Variants in IL12RB1 observed in about 807,000 individuals in gnomAD.
IL12RB1 encodes interleukin 12 receptor subunit beta 1, also known as interleukin-12 receptor subunit beta-1.
A neutral mutation model predicts 94.4 loss-of-function variants in IL12RB1; 64 were observed. That is an observed-to-expected ratio of 0.68 (90% CI 0.55 to 0.83). The LOEUF (loss-of-function observed/expected upper bound fraction) is 0.83, where lower values mean the gene tolerates loss of function less well. Among genes scored for constraint, IL12RB1 ranks in the 40% least tolerant of loss-of-function variants. The pLI, the probability that IL12RB1 is intolerant of heterozygous loss-of-function variation, is 0.00. For synonymous variants in IL12RB1, 362 were observed against 355.5 expected (o/e 1.02, Z -0.21); for missense variants, 814 against 855.6 (o/e 0.95, Z 0.61).
chr19:18,060,503 G>A (rs1424744717), intron 15 of IL12RB1, among the ~76,000 whole-genome samples: 2 of 152,064 alleles, frequency 1.3e-5, no homozygotes, highest in Non-Finnish European at 2.9e-5. Context: ...TGAGGATGGA[G>A]TCTGCCGCAC....
intron 1 of IL12RB1, among the ~76,000 whole-genome samples, chr19:18,086,295 A>G (rs1434347993): frequency 1.3e-5 from 2 of 152,010 alleles, no homozygotes; most frequent in African/African-American, 4.8e-5. Context: ...AAGGATGTGC[A>G]TAGGTTATAT....
chr19:18,072,237 C>G lies in IL12RB1; in HGVS notation c.896G>C (p.Arg299Thr). The change falls in exon 9 of 17, where the codon AGG (arginine) becomes ACG (threonine). Residue 299 changes from arginine to threonine, a missense_variant. Arg to Thr is a moderately conservative substitution (Grantham distance 71). Transcript: ENST00000593993. ...GGGCATCTTCCCCAGGTGCAGGGTCCTGGTGGCCTTGGCCTTACACGGGCA... is the reference window on the plus strand; with the variant it reads ...GGGCATCTTCCCCAGGTGCAGGGTCGTGGTGGCCTTGGCCTTACACGGGCA... ...LSCPCKAKAT[R>T]TLHLGKMPYL... The G allele has an allele frequency of 1.2e-6, 2 of 1,614,152 alleles. No individual in the cohort carries two copies. The highest frequency in any genetic ancestry group is 1.1e-5 in the South Asian group (1 of 91,080).
At chr19:18,092,774 G>C (rs1438883310) in intron 1 of IL12RB1, among the ~76,000 whole-genome samples, 1 of 141,806 alleles carries the variant, frequency 7.1e-6, no homozygotes, top group African/African-American at 2.7e-5. Flanking sequence ...AAAGTGCTGG[G>C]ATTACAGGCA....
exon 1 of IL12RB1, chr19:18,086,933 CTGAAAAAAAAGAAAAA>C: frequency 6.5e-7 from 1 of 1,549,630 alleles, no homozygotes; most frequent in Non-Finnish European, 8.7e-7. Flanking sequence ...GGAGAAAAGA[CTGAAAAAAAAGAAAAA>C]AGAAAAAAAG....
chr19:18,061,231 AG>A (rs760884881), intron 14 of IL12RB1, 34 bp from the exon 15 acceptor site: 1 of 937,926 alleles, frequency 1.1e-6, no homozygotes, highest in Non-Finnish European at 1.6e-6. Context: ...AGAGGAGCTG[AG>A]GTTTTTTTTT....
At chr19:18,087,491 TGA>T (rs2146516455), upstream of IL12RB1, among the ~76,000 whole-genome samples, 1 of 152,006 alleles carries the variant, frequency 6.6e-6, no homozygotes, top group Non-Finnish European at 1.5e-5. Context: ...ATGACAGGCG[TGA>T]GCTACCGTGC....
At chr19:18,096,850 G>C (rs1362973444) in intron 1 of IL12RB1, among the ~76,000 whole-genome samples, 1 of 130,692 alleles carries the variant, frequency 7.7e-6, no homozygotes, top group Non-Finnish European at 1.7e-5. Flanking sequence ...AAAAAAAAAA[G>C]TTTTGGTGTT....
intron 12 of IL12RB1, among the ~76,000 whole-genome samples, chr19:18,064,991 G>T (rs901056221): frequency 6.6e-6 from 1 of 152,204 alleles, no homozygotes; most frequent in African/African-American, 2.4e-5. Flanking sequence ...CAACCCGGAA[G>T]TTACTACCTT....
chr19:18,091,685 AT>A (rs1229471554), upstream of IL12RB1: 1 of 152,068 alleles, frequency 6.6e-6, no homozygotes, highest in Non-Finnish European at 1.5e-5. Flanking sequence ...CTGAGGGATC[AT>A]TTGAGGATGT....
chr19:18,096,030 C>T (rs369272768), intron 1 of IL12RB1, among the ~76,000 whole-genome samples: 1 of 151,986 alleles, frequency 6.6e-6, no homozygotes, highest in African/African-American at 2.4e-5. Context: ...TCGAGACCAG[C>T]GCGGGAAACA....
chr19:18,093,357 T>TGC (rs2036728178), intron 1 of IL12RB1, among the ~76,000 whole-genome samples: 1 of 135,390 alleles, frequency 7.4e-6, no homozygotes, highest in African/African-American at 2.9e-5. Flanking sequence ...TACTTGTGTG[T>TGC]GTGCGTGTGT....
intron 1 of IL12RB1, chr19:18,097,955 G>A: frequency 2.7e-6 from 2 of 727,952 alleles, no homozygotes; most frequent in Non-Finnish European, 3.7e-6. Context: ...GGTGGGGAAC[G>A]CTCAGATCGC....
intron 9 of IL12RB1, among the ~76,000 whole-genome samples, chr19:18,071,677 AT>A (rs552210676): frequency 7.2e-4 from 106 of 147,470 alleles, no homozygotes; most frequent in East Asian, 1.4e-3. Context: ...TGATTATTGA[AT>A]TTTTTTTTTT....
chr19:18,086,167 G>A (rs1277758618), intron 1 of IL12RB1, among the ~76,000 whole-genome samples: 1 of 151,898 alleles, frequency 6.6e-6, no homozygotes, highest in African/African-American at 2.4e-5. Flanking sequence ...AGGCTGCAAT[G>A]AGTTATGATT....
intron 9 of IL12RB1, among the ~76,000 whole-genome samples, chr19:18,070,343 C>T (rs1011005562): frequency 4.6e-5 from 7 of 152,224 alleles, no homozygotes; most frequent in African/African-American, 7.2e-5. Context: ...TAGGCGTCTC[C>T]GGCTGTGGCA....
At chr19:18,091,088 C>T (rs985057665), upstream of IL12RB1, among the ~76,000 whole-genome samples, 5 of 152,074 alleles carry the variant, frequency 3.3e-5, no homozygotes, top group Admixed American at 2.0e-4. Flanking sequence ...TCTCCGAGGG[C>T]GGTAGGGAGC....
At chr19:18,096,862 T>G (rs1026613413) in intron 1 of IL12RB1, among the ~76,000 whole-genome samples, 1 of 151,110 alleles carries the variant, frequency 6.6e-6, no homozygotes, top group Non-Finnish European at 1.5e-5. Context: ...TTTGGTGTTT[T>G]GGCCATATGC....
intron 1 of IL12RB1, among the ~76,000 whole-genome samples, chr19:18,094,462 G>C (rs938675956): frequency 6.6e-6 from 1 of 152,170 alleles, no homozygotes; most frequent in Non-Finnish European, 1.5e-5. Context: ...TATGTCCCAA[G>C]TACTGAAGGG....
At chr19:18,095,120 A>T (rs2146614458) in intron 1 of IL12RB1, among the ~76,000 whole-genome samples, 1 of 150,804 alleles carries the variant, frequency 6.6e-6, no homozygotes, top group East Asian at 2.0e-4. Flanking sequence ...CAGAGGTTGC[A>T]GTGAGCCAAG....
Sources: allele counts gnomAD v4.1 joint callset (sites outside exome capture counted in the v4.1 genomes callset), GRCh38; gene constraint gnomAD v4.1.1; transcripts MANE v1.5; gene names NCBI Gene and HGNC (gene_info 2026-07-23, HGNC 2026-07-21).